Variants in PRR14L observed in about 807,000 individuals in gnomAD.
The protein encoded by PRR14L is protein PRR14L.
Under a neutral mutation model 155.0 loss-of-function variants are expected in PRR14L, and 80 were observed. That is an observed-to-expected ratio of 0.52 (90% CI 0.43 to 0.62). The LOEUF (loss-of-function observed/expected upper bound fraction) is 0.62, where lower values mean the gene tolerates loss of function less well. PRR14L is among the 20% of genes least tolerant of loss of function. The pLI, the probability that PRR14L is intolerant of heterozygous loss-of-function variation, is 0.00. For synonymous variants in PRR14L, 883 were observed against 916.0 expected, an observed-to-expected ratio of 0.96 and a Z score of 0.65; for missense variants, 2,469 against 2,548.0, an observed-to-expected ratio of 0.97 and a Z score of 0.67.
At chr22:31,737,155 G>A (rs1006876945) in intron 2 of PRR14L, among the ~76,000 whole-genome samples, 2 of 151,722 alleles carry the variant, frequency 1.3e-5, no homozygotes, top group African/African-American at 4.8e-5. Flanking sequence ...CCTGTGGAGA[G>A]AGTCCGCTGG....
Position 31,714,145 on chromosome 22 carries a change from G to C in PRR14L, c.3694C>G (p.Leu1232Val), listed in dbSNP as rs945355243. 2.6e-6 allele frequency: 4 copies of C among 1,551,534 alleles called. No homozygotes were observed. The highest frequency in any genetic ancestry group is 3.9e-5 in the Admixed American group (2 of 50,972). Residue 1232 changes from leucine to valine, a missense_variant, in exon 4 of 9, where the codon CTA becomes GTA. Around this residue, in one of 2 missense-constraint regions of PRR14L, gnomAD observed 2,363 missense variants for 2,371.6 expected, o/e 1.00. Coordinates refer to ENST00000327423, the MANE Select transcript of PRR14L (RefSeq NM_173566.3). ...ATTTCAATGGATTTCAGGCTTCTTA[G>C]GGAAACAGAGCTTTCATCATGGCAA... ...MSCHDESSVS[L>V]RSLKSIEIMP...
At position 31,714,530 on chromosome 22, in the gene PRR14L, A is replaced by G; in HGVS notation, c.3309T>C (p.Ala1103=). The G allele has an allele frequency of 1.3e-6, 2 of 1,552,146 alleles. No homozygotes were observed. The highest frequency in any genetic ancestry group is 1.7e-6 in the Non-Finnish European group (2 of 1,147,088). The change falls in exon 4 of 9, where the codon GCT becomes GCC. Residue 1103 remains alanine, a synonymous_variant. Coordinates refer to ENST00000327423, the MANE Select transcript of PRR14L (RefSeq NM_173566.3). ...RSTLSRRELD[A]AHTGTTGQDS... Reference sequence around the variant, plus strand: ...CCTGACCAGTTGTTCCTGTATGTGCAGCATCCAGTTCTCTCCGAGACAAGG... The same window carrying G: ...CCTGACCAGTTGTTCCTGTATGTGCGGCATCCAGTTCTCTCCGAGACAAGG...
intron 3 of PRR14L, among the ~76,000 whole-genome samples, chr22:31,721,563 CAAA>C (rs1248470470): frequency 1.1e-5 from 1 of 88,184 alleles, no homozygotes; most frequent in African/African-American, 4.2e-5. Flanking sequence ...GCAAGACTCA[CAAA>C]AAAAAAAAAA....
intron 3 of PRR14L, among the ~76,000 whole-genome samples, chr22:31,722,297 T>C (rs189043021): frequency 2.7e-3 from 414 of 151,172 alleles, no homozygotes; most frequent in Non-Finnish European, 4.4e-3. Context: ...CCGGGCATGG[T>C]GGCACGTGCC....
At chr22:31,724,429 C>G (rs192722961) in intron 3 of PRR14L, among the ~76,000 whole-genome samples, 276 of 152,290 alleles carry the variant, frequency 1.8e-3, no homozygotes, top group Non-Finnish European at 2.8e-3. Context: ...GAGACAGGGT[C>G]TTGCTCTGTT....
intron 2 of PRR14L, among the ~76,000 whole-genome samples, chr22:31,725,926 C>T (rs1249201838): frequency 5.3e-5 from 8 of 151,936 alleles, no homozygotes; most frequent in Non-Finnish European, 1.5e-5. Flanking sequence ...GCCTCCGCCT[C>T]CCAAAGTGCT....
chr22:31,736,430 A>G (rs1049125201), intron 2 of PRR14L, among the ~76,000 whole-genome samples: 1 of 151,804 alleles, frequency 6.6e-6, no homozygotes, highest in Non-Finnish European at 1.5e-5. Context: ...CTCAAATATC[A>G]TGTTCAAATG....
intron 1 of PRR14L, among the ~76,000 whole-genome samples, chr22:31,745,023 G>A (rs145660558): frequency 0.013 from 2,022 of 152,224 alleles, 15 homozygotes; most frequent in Middle Eastern, 0.031. Flanking sequence ...TTGCAGATAC[G>A]TTACCAAGAA....
chr22:31,739,304 T>G (rs566580514), intron 1 of PRR14L, among the ~76,000 whole-genome samples: 1 of 152,222 alleles, frequency 6.6e-6, no homozygotes, highest in Non-Finnish European at 1.5e-5. Flanking sequence ...CACTGCCATA[T>G]CCCCATGCTA....
Position 31,717,072 on chromosome 22 carries a change from G to T in PRR14L, c.767C>A (p.Thr256Asn). Residue 256 changes from threonine to asparagine, a missense_variant, in exon 4 of 9, where the codon ACC becomes AAC. Thr to Asn is a moderately conservative substitution (Grantham distance 65). Coordinates refer to ENST00000327423, the MANE Select transcript of PRR14L (RefSeq NM_173566.3). Reference protein sequence around the residue: ...TSTLVTPEPLTFVDPVLTEAT... With the variant: ...TSTLVTPEPLNFVDPVLTEAT... ...TTCTGTTAATACAGGGTCCACAAAGGTTAAAGGTTCTGGGGTAACTAATGT... is the reference window on the plus strand; with the variant it reads ...TTCTGTTAATACAGGGTCCACAAAGTTTAAAGGTTCTGGGGTAACTAATGT... The T allele has an allele frequency of 6.4e-7, 1 of 1,551,910 alleles. No homozygotes were observed. Among genetic ancestry groups the T allele is most frequent in the Non-Finnish European group, 8.7e-7 (1 of 1,147,030 alleles).
In PRR14L at chr22:31,705,303, C is replaced by T. The variant is rs544411981; in HGVS notation, c.5757-577G>A. On this transcript the variant is annotated intron_variant, in intron 4 of 8. Transcript: ENST00000327423. ...TAAAAAATTTAAAGAATATATTATA[C>T]CACTCAGTTGTGTACTGACTAATAA... is the stretch of plus-strand genomic sequence containing the variant. Among the ~76,000 whole-genome samples the T allele has an allele frequency of 2.0e-5, 3 of 152,240 alleles. No individual in the cohort carries two copies. The South Asian group carries it at 6.2e-4, about 32-fold the overall frequency.
chr22:31,718,730 A>G (rs1171660386), intron 3 of PRR14L, among the ~76,000 whole-genome samples: 2 of 148,120 alleles, frequency 1.4e-5, no homozygotes, highest in African/African-American at 5.3e-5. Context: ...TTATATATAT[A>G]TATAAAAAAC....
At position 31,713,642 on chromosome 22, in the gene PRR14L, C is replaced by T. The variant is rs764385252; in HGVS notation, c.4197G>A (p.Leu1399=). ...QQSPEVLDYM[L]QKEEKYIRQQ... ...GACGTATATATTTCTCTTCTTTCTG[C>T]AACATGTAGTCCAAAACCTCAGGGC... is the stretch of plus-strand genomic sequence containing the variant. Residue 1399 remains leucine, a synonymous_variant, in exon 4 of 9, where the codon TTG becomes TTA. Transcript: ENST00000327423. 2.0e-5 allele frequency: 31 copies of T among 1,551,962 alleles called. No homozygotes were observed. The highest frequency in any genetic ancestry group is 3.3e-4 in the Middle Eastern group (2 of 5,994).
At chr22:31,696,430 C>T (rs117075788) in intron 7 of PRR14L, among the ~76,000 whole-genome samples, 6 of 151,990 alleles carry the variant, frequency 3.9e-5, no homozygotes, top group African/African-American at 7.2e-5. Context: ...TGAGCCAACG[C>T]GCCTCGCCTT....
chr22:31,702,034 A>T (rs1261084185), intron 6 of PRR14L, among the ~76,000 whole-genome samples: 1 of 152,150 alleles, frequency 6.6e-6, no homozygotes, highest in Non-Finnish European at 1.5e-5. Flanking sequence ...TCTTGGGCTC[A>T]ACTGATCCTT....
rs1406228425 is a variant in PRR14L at position 31,735,305 on chromosome 22, A to G, written c.474+3082T>C. 5.9e-5 allele frequency among the ~76,000 whole-genome samples: 9 copies of G among 152,236 alleles called. 1 individual carries two copies. The highest frequency in any genetic ancestry group is 1.9e-4 in the African/African-American group (8 of 41,550). On this transcript the variant is annotated intron_variant, in intron 2 of 8. Coordinates refer to ENST00000327423, the MANE Select transcript of PRR14L (RefSeq NM_173566.3). Reference sequence around the variant, plus strand: ...AAATACAAAAATTTAGCCAGGCGTCATGGCGGGCGCCTGTAGTCCCAGCTA... The same window carrying G: ...AAATACAAAAATTTAGCCAGGCGTCGTGGCGGGCGCCTGTAGTCCCAGCTA...
chr22:31,688,266 CTCTCT>C, intron 7 of PRR14L, 39 bp from the exon 8 acceptor site: 7 of 1,527,166 alleles, frequency 4.6e-6, no homozygotes, highest in Admixed American at 2.2e-5. Flanking sequence ...CAGGTTCTCT[CTCTCT>C]TTTTTTTTTC....
At chr22:31,731,523 G>A (rs1180896790) in intron 2 of PRR14L, among the ~76,000 whole-genome samples, 8 of 128,978 alleles carry the variant, frequency 6.2e-5, no homozygotes, top group African/African-American at 2.4e-4. Flanking sequence ...AGCCAAGATC[G>A]CACCACTGCA....
intron 4 of PRR14L, 75 bp downstream of exon 4, chr22:31,712,008 G>A (rs1379509309): frequency 1.1e-5 from 15 of 1,356,114 alleles, no homozygotes; most frequent in African/African-American, 2.9e-5. Context: ...TGCATTTCCC[G>A]CAGTTCCCCT....
Sources: gnomAD v4.1 joint callset for allele counts (sites outside exome capture counted in the v4.1 genomes callset) on GRCh38, gnomAD v4.1.1 for gene constraint, gnomAD v4.1.1 regional missense constraint, MANE v1.5 for transcripts, NCBI Gene and HGNC (gene_info 2026-07-23, HGNC 2026-07-21) for gene names.